Variants in ZNF226 observed in about 807,000 individuals in gnomAD.
The protein encoded by ZNF226 is Kruppel-associated box protein.
In ZNF226, 6 loss-of-function variants were observed where a neutral mutation model predicts 11.4. The observed-to-expected ratio is 0.53, with a 90% CI of 0.29 to 1.04. The LOEUF (loss-of-function observed/expected upper bound fraction) is 1.04, where lower values mean the gene tolerates loss of function less well. Ranked by LOEUF, ZNF226 falls within the 50% of genes least tolerant of loss-of-function variation. The pLI is 0.08. For synonymous variants in ZNF226, 350 were observed against 322.8 expected (o/e 1.08, Z -0.90); for missense variants, 1,058 against 956.5 (o/e 1.11, Z -1.40).
intron 4 of ZNF226, chr19:44,172,466 G>A (rs1368643575): frequency 4.8e-6 from 2 of 413,276 alleles, no homozygotes; most frequent in South Asian, 3.3e-5. Context: ...ACCTGTCCCA[G>A]TATTGAATTA....
intron 2 of ZNF226, among the ~76,000 whole-genome samples, chr19:44,168,419 C>A (rs1364558259): frequency 6.6e-6 from 1 of 152,066 alleles, no homozygotes; most frequent in East Asian, 1.9e-4. Flanking sequence ...ACTCCATTTT[C>A]CCATTAAAGA....
chr19:44,199,260 T>C, the ZNF226 span, among the ~76,000 whole-genome samples: 2 of 151,778 alleles, frequency 1.3e-5, no homozygotes, highest in African/African-American at 4.8e-5. Context: ...CTGCAACCTC[T>C]GCCTCCCCGG....
intron 5 of ZNF226, chr19:44,174,492 C>T (rs1308099612): frequency 6.6e-6 from 1 of 152,216 alleles, no homozygotes; most frequent in Non-Finnish European, 1.5e-5. Context: ...TTCCAAAGTC[C>T]ACATTCATAA....
In ZNF226 at chr19:44,177,368, G is replaced by T; in HGVS notation, c.2106G>T (p.Gly702=). 1 of 1,613,192 alleles carries T rather than the reference G, an allele frequency of 6.2e-7. No individual in the cohort carries two copies. The highest frequency in any genetic ancestry group is 8.5e-7 in the Non-Finnish European group (1 of 1,179,766). The change falls in exon 6 of 6, where the codon GGG becomes GGT. Residue 702 remains glycine, a synonymous_variant. Transcript: ENST00000337433. ...VHTGEKPYKC[G]ECGKYFSQAS... ...CAGGAGAAAAACCATATAAATGTGGGGAGTGTGGTAAGTACTTCAGTCAGG... is the reference window on the plus strand; with the variant it reads ...CAGGAGAAAAACCATATAAATGTGGTGAGTGTGGTAAGTACTTCAGTCAGG...
chr19:44,193,812 T>C, the ZNF226 span, among the ~76,000 whole-genome samples: 4 of 152,336 alleles, frequency 2.6e-5, no homozygotes, highest in African/African-American at 7.2e-5. Context: ...ATAATTCCCA[T>C]AATGGCCGTA....
At chr19:44,175,256 T>TAACA in intron 5 of ZNF226, 1 of 1,399,586 alleles carries the variant, frequency 7.1e-7, no homozygotes, top group Non-Finnish European at 9.2e-7. Context: ...AGTATGTCAG[T>TAACA]AGTTGTGTTT....
At chr19:44,199,049 C>T in the ZNF226 span, among the ~76,000 whole-genome samples, 6 of 152,104 alleles carry the variant, frequency 3.9e-5, no homozygotes, top group Non-Finnish European at 5.9e-5. Flanking sequence ...GTGATCCGCC[C>T]GCCTTGGCTT....
chr19:44,192,732 G>A, the ZNF226 span, among the ~76,000 whole-genome samples: 5 of 152,188 alleles, frequency 3.3e-5, no homozygotes, highest in African/African-American at 1.2e-4. Flanking sequence ...AGTGGAAAGT[G>A]TAAAACAGGA....
At chr19:44,179,005 C>G (rs911304497), downstream of ZNF226, among the ~76,000 whole-genome samples, 3 of 152,168 alleles carry the variant, frequency 2.0e-5, no homozygotes, top group Admixed American at 6.5e-5. Context: ...CATGGTGAAA[C>G]CCTGTCTCTA....
rs760527714 is a variant in ZNF226 at position 44,176,137 on chromosome 19, G to C, written c.875G>C (p.Ser292Thr). Residue 292 changes from serine to threonine, a missense_variant, in exon 6 of 6, where the codon AGC (serine) becomes ACC (threonine). Physicochemically the swap from Ser to Thr is moderately conservative, Grantham distance 58. Coordinates refer to ENST00000337433, the MANE Select transcript of ZNF226 (RefSeq NM_001032373.2). ...GAGCGTGGAAAAGGCTTCTGTTACA[G>C]CCCAGTTCTTCCTGTTCATCAGAAA... ...CVERGKGFCY[S>T]PVLPVHQKVH... 1 of 1,614,176 alleles carries C rather than the reference G, an allele frequency of 6.2e-7. No homozygotes were observed. Among genetic ancestry groups the C allele is most frequent in the Non-Finnish European group, 8.5e-7 (1 of 1,180,018 alleles).
intron 5 of ZNF226, chr19:44,175,044 G>T: frequency 6.2e-7 from 1 of 1,610,926 alleles, no homozygotes; most frequent in Non-Finnish European, 8.5e-7. Flanking sequence ...ACTTGGATTT[G>T]AAGTTAGAAG....
chr19:44,176,361 G>A lies in ZNF226; in HGVS notation c.1099G>A (p.Glu367Lys), dbSNP rs61742486. Residue 367 changes from glutamate to lysine, a missense_variant, in exon 6 of 6, where the codon GAG becomes AAG. Physicochemically the swap from Glu to Lys is moderately conservative, Grantham distance 56. Transcript: ENST00000337433. ...HTAEKPYNCE[E>K]CGRAFSQASH... ...GGCAGAGAAACCTTATAATTGTGAG[G>A]AGTGTGGGAGGGCCTTCAGTCAGGC... 9,317 of 1,614,150 alleles carry A rather than the reference G, an allele frequency of 5.8e-3. 428 individuals carry two copies. In the African/African-American group the frequency reaches 0.1, roughly 18 times the overall value.
chr19:44,168,535 CTT>C (rs1456681204), intron 2 of ZNF226, among the ~76,000 whole-genome samples: 16 of 152,132 alleles, frequency 1.1e-4, no homozygotes, highest in Admixed American at 1.0e-3. Context: ...ATTCCTCAGA[CTT>C]TATTTCTTTT....
chr19:44,171,858 G>T (rs1970134280), intron 3 of ZNF226, among the ~76,000 whole-genome samples: 1 of 152,170 alleles, frequency 6.6e-6, no homozygotes, highest in South Asian at 2.1e-4. Context: ...AACAGTTCCA[G>T]GAAATTCCCT....
chr19:44,176,938 T>G lies in ZNF226; in HGVS notation c.1676T>G (p.Phe559Cys). The G allele has an allele frequency of 6.2e-7, 1 of 1,612,660 alleles. No homozygotes were observed. The highest frequency in any genetic ancestry group is 8.5e-7 in the Non-Finnish European group (1 of 1,179,424). Residue 559 changes from phenylalanine (F) to cysteine (C), a missense_variant, in exon 6 of 6, where the codon TTT becomes TGT. Phe to Cys is a radical substitution (Grantham distance 205, BLOSUM62 -2). Transcript: ENST00000337433. ...HQKAHSIEKPFKCEECGQGFN... is the reference protein window; with the variant it reads ...HQKAHSIEKPCKCEECGQGFN... The stretch of plus-strand genomic sequence containing the variant: ...AAGGCCCACAGTATAGAGAAACCTT[T>G]TAAGTGTGAGGAGTGTGGGCAGGGT...
downstream of ZNF226, among the ~76,000 whole-genome samples, chr19:44,179,893 G>T (rs576004992): frequency 6.6e-6 from 1 of 151,974 alleles, no homozygotes; most frequent in South Asian, 2.1e-4. Flanking sequence ...GCCCAACCTG[G>T]CCAACATGGT....
intron 5 of ZNF226, 144 bp downstream of exon 5, chr19:44,173,096 C>T: frequency 1.5e-6 from 1 of 670,890 alleles, no homozygotes; most frequent in Non-Finnish European, 2.6e-6. Context: ...TGCCCTGCTC[C>T]CACCCCTCTC....
At position 44,177,124 on chromosome 19, in the gene ZNF226, G is replaced by A. The variant is rs199660619; in HGVS notation, c.1862G>A (p.Gly621Glu). 1 of 1,613,974 alleles carries A rather than the reference G, an allele frequency of 6.2e-7. No individual in the cohort carries two copies. Among genetic ancestry groups the A allele is most frequent in the Non-Finnish European group, 8.5e-7 (1 of 1,180,008 alleles). Residue 621 changes from glycine to glutamate, a missense_variant, in exon 6 of 6, where the codon GGG becomes GAG. Gly to Glu is a moderately conservative substitution (Grantham distance 98, BLOSUM62 -2). Coordinates refer to ENST00000337433, the MANE Select transcript of ZNF226 (RefSeq NM_001032373.2). ...AAACCATATAATTGTGAGGAGTGTG[G>A]GAAGGTCTTCAGGCAGGCCTCAAAT... ...GEKPYNCEEC[G>E]KVFRQASNLL...
the ZNF226 span, among the ~76,000 whole-genome samples, chr19:44,197,611 A>G: frequency 1.3e-5 from 2 of 152,194 alleles, no homozygotes; most frequent in Non-Finnish European, 2.9e-5. Flanking sequence ...TACTGCTGTA[A>G]TGACTAATGA....
Sources: allele counts gnomAD v4.1 joint callset (sites outside exome capture counted in the v4.1 genomes callset), GRCh38; gene constraint gnomAD v4.1.1; transcripts MANE v1.5; gene names NCBI Gene and HGNC (gene_info 2026-07-23, HGNC 2026-07-21).